B3GALT1: variants seen among roughly 807,000 people sequenced by gnomAD.
The protein encoded by B3GALT1 is UDP-Gal:betaGlcNAc beta 1,3-galactosyltransferase, polypeptide 1.
In B3GALT1, 10 loss-of-function variants were observed where a neutral mutation model predicts 23.2. That is an observed-to-expected ratio of 0.43 (90% CI 0.27 to 0.73). The LOEUF (loss-of-function observed/expected upper bound fraction) is 0.73, where lower values mean the gene tolerates loss of function less well. Among genes scored for constraint, B3GALT1 ranks in the 30% least tolerant of loss-of-function variants. The pLI, the probability that B3GALT1 is intolerant of heterozygous loss-of-function variation, is 0.21. For missense variants in B3GALT1, 299 were observed against 405.4 expected, an observed-to-expected ratio of 0.74 and a Z score of 2.25; for synonymous variants, 156 against 141.5, an observed-to-expected ratio of 1.10 and a Z score of -0.73.
intron 1 of B3GALT1, among the ~76,000 whole-genome samples, chr2:167,377,714 C>G (rs532915571): frequency 6.6e-6 from 1 of 151,894 alleles, no homozygotes; most frequent in East Asian, 1.9e-4. Context: ...CTATGGGTGT[C>G]GTTATATGTG....
chr2:167,635,113 A>G (rs1035493053), intron 2 of B3GALT1, among the ~76,000 whole-genome samples: 1 of 152,158 alleles, frequency 6.6e-6, no homozygotes, highest in Non-Finnish European at 1.5e-5. Flanking sequence ...TGATTATCTC[A>G]ATAGATGCAG....
At chr2:167,297,781 TAGAC>T (rs1043071986) in intron 1 of B3GALT1, among the ~76,000 whole-genome samples, 2 of 152,108 alleles carry the variant, frequency 1.3e-5, no homozygotes, top group African/African-American at 4.8e-5. Flanking sequence ...ATTTTCATAT[TAGAC>T]AGAAGCTGAA....
chr2:167,438,414 CTGTT>C (rs1053805860), intron 1 of B3GALT1, among the ~76,000 whole-genome samples: 6 of 152,314 alleles, frequency 3.9e-5, no homozygotes, highest in Non-Finnish European at 5.9e-5. Context: ...TGGTGAATGA[CTGTT>C]TGGTCAAAGG....
At chr2:167,298,544 T>G (rs1400086142) in intron 1 of B3GALT1, among the ~76,000 whole-genome samples, 1 of 152,124 alleles carries the variant, frequency 6.6e-6, no homozygotes, top group Non-Finnish European at 1.5e-5. Context: ...AAAATATTTG[T>G]ATTTACTTCA....
intron 3 of B3GALT1, among the ~76,000 whole-genome samples, chr2:167,699,152 A>G (rs1382435376): frequency 6.6e-6 from 1 of 152,152 alleles, no homozygotes; most frequent in African/African-American, 2.4e-5. Context: ...GTGAATTTGC[A>G]AAGATCTGGA....
At chr2:167,429,318 A>G (rs971494846) in intron 1 of B3GALT1, among the ~76,000 whole-genome samples, 1 of 151,760 alleles carries the variant, frequency 6.6e-6, no homozygotes, top group African/African-American at 2.4e-5. Flanking sequence ...TGTTTTAAAA[A>G]TTGGAAGGCG....
intron 2 of B3GALT1, among the ~76,000 whole-genome samples, chr2:167,600,800 TGAA>T (rs1684864470): frequency 6.6e-6 from 1 of 152,208 alleles, no homozygotes; most frequent in African/African-American, 2.4e-5. Context: ...ATTCATTAGT[TGAA>T]GGACAGTTTG....
intron 3 of B3GALT1, among the ~76,000 whole-genome samples, chr2:167,689,556 C>T (rs1686676520): frequency 6.6e-6 from 1 of 152,070 alleles, no homozygotes. Flanking sequence ...GGGTGAAGGA[C>T]TGATCACCTT....
chr2:167,758,852 A>C (rs11691049), intron 3 of B3GALT1, among the ~76,000 whole-genome samples: 41,713 of 152,032 alleles, frequency 0.27, 6,157 homozygotes, highest in East Asian at 0.44. Flanking sequence ...GCTGTGGTCC[A>C]GGGTAACTGT....
At chr2:167,399,574 AGTTTTTTATTTTT>A (rs1559085210) in intron 1 of B3GALT1, among the ~76,000 whole-genome samples, 1 of 151,940 alleles carries the variant, frequency 6.6e-6, no homozygotes, top group Non-Finnish European at 1.5e-5. Context: ...ATTCTTCCCA[AGTTTTTTATTTTT>A]GTTTTTTTCT....
At chr2:167,382,569 G>A (rs903255384) in intron 1 of B3GALT1, among the ~76,000 whole-genome samples, 5 of 152,002 alleles carry the variant, frequency 3.3e-5, no homozygotes, top group African/African-American at 1.2e-4. Context: ...TTTTACTTTA[G>A]AATGGAAATC....
At chr2:167,303,128 C>A (rs1434867532) in intron 1 of B3GALT1, among the ~76,000 whole-genome samples, 3 of 152,072 alleles carry the variant, frequency 2.0e-5, no homozygotes, top group Admixed American at 6.6e-5. Context: ...TCATTGGTTG[C>A]CTTGTAGCCA....
At chr2:167,594,258 A>G (rs923470873) in intron 2 of B3GALT1, among the ~76,000 whole-genome samples, 7 of 152,146 alleles carry the variant, frequency 4.6e-5, no homozygotes, top group African/African-American at 1.7e-4. Context: ...AAATCAAGGC[A>G]CTGCATGTCC....
At chr2:167,408,557 T>C (rs1265276848) in intron 1 of B3GALT1, among the ~76,000 whole-genome samples, 1 of 151,914 alleles carries the variant, frequency 6.6e-6, no homozygotes, top group African/African-American at 2.4e-5. Flanking sequence ...ATATCCAAAT[T>C]GGAAAGGAAG....
chr2:167,860,701 C>G (rs755882333), intron 4 of B3GALT1, among the ~76,000 whole-genome samples: 1 of 152,146 alleles, frequency 6.6e-6, no homozygotes, highest in Non-Finnish European at 1.5e-5. Flanking sequence ...GCCAGTACAT[C>G]AGGAACTGCT....
intron 2 of B3GALT1, among the ~76,000 whole-genome samples, chr2:167,560,192 A>T (rs1683945936): frequency 6.6e-6 from 1 of 152,328 alleles, no homozygotes; most frequent in African/African-American, 2.4e-5. Flanking sequence ...AGAATTTCAT[A>T]TCCAGCCAAA....
chr2:167,734,892 A>G (rs559346762), intron 3 of B3GALT1, among the ~76,000 whole-genome samples: 2 of 151,896 alleles, frequency 1.3e-5, no homozygotes, highest in East Asian at 1.9e-4. Context: ...ATTTCCAACT[A>G]TTTTCAAATA....
At chr2:167,530,360 A>G (rs1683305279) in intron 2 of B3GALT1, among the ~76,000 whole-genome samples, 1 of 152,266 alleles carries the variant, frequency 6.6e-6, no homozygotes, top group East Asian at 1.9e-4. Context: ...TGTAAGTTGC[A>G]TGAAGGCATA....
intron 3 of B3GALT1, among the ~76,000 whole-genome samples, chr2:167,684,616 T>C (rs1686586096): frequency 6.6e-6 from 1 of 152,366 alleles, no homozygotes; most frequent in African/African-American, 2.4e-5. Context: ...AAGCCTCATT[T>C]GTTCTCCTAG....
Sources: allele counts gnomAD v4.1 joint callset (sites outside exome capture counted in the v4.1 genomes callset), GRCh38; gene constraint gnomAD v4.1.1; transcripts MANE v1.5; gene names NCBI Gene and HGNC (gene_info 2026-07-23, HGNC 2026-07-21).